The following NOTCH2NLR variants were observed in gnomAD, a reference collection of about 807,000 sequenced individuals.
NOTCH2NLR encodes the protein notch 2 N-terminal like R.
NOTCH2NLR carries 33 observed loss-of-function variants against 35.6 expected under a neutral mutation model. The observed-to-expected ratio is 0.93, with a 90% CI of 0.70 to 1.24. NOTCH2NLR has a LOEUF of 1.24. Among genes scored for constraint, NOTCH2NLR ranks in the 50% most tolerant of loss-of-function variants. NOTCH2NLR has a pLI of 0.00. For missense variants in NOTCH2NLR, 276 were observed against 362.2 expected (o/e 0.76, Z 1.93); for synonymous variants, 103 against 141.0 (o/e 0.73, Z 1.91).
intron 1 of NOTCH2NLR, among the ~76,000 whole-genome samples, chr1:120,754,789 A>G (rs1280610825): frequency 8.7e-6 from 1 of 115,566 alleles, no homozygotes; most frequent in Non-Finnish European, 1.7e-5. Context: ...GGAACTTTCA[A>G]AACTGTTTCA....
exon 1 of NOTCH2NLR, chr1:120,724,106 C>T: frequency 7.5e-7 from 1 of 1,338,804 alleles, no homozygotes; most frequent in Non-Finnish European, 9.6e-7. Context: ...TATCGGGACC[C>T]CCTCCCCATG....
rs1372020767 is a variant in NOTCH2NLR, at chr1:120,793,352, G to T, written c.607G>T (p.Gly203Cys). 10 of 1,420,738 alleles carry T rather than the reference G, an allele frequency of 7.0e-6. 3 individuals are homozygous for T. Among genetic ancestry groups the T allele is most frequent in the Non-Finnish European group, 9.4e-6 (10 of 1,060,914 alleles). The allele number at this position is 1,420,738 out of a possible 1,614,324, so 88.0% of individuals were successfully genotyped here. The change falls in exon 4 of 5, where the codon GGT (glycine) becomes TGT (cysteine). Residue 203 changes from glycine (G) to cysteine (C), a missense_variant. By Grantham distance (159) the Gly-to-Cys change is radical (BLOSUM62 -3). Coordinates refer to ENST00000624419, the Ensembl canonical transcript of NOTCH2NLR. ...TGGTGGCACCTGCCTCAACCTGCCT[G>T]GTTCCTACCAGTGCCAGTGCCTTCA... is the stretch of plus-strand genomic sequence containing the variant.
At position 120,759,477 on chromosome 1, in the gene NOTCH2NLR, C is replaced by CT. The variant is rs1372678243; in HGVS notation, c.74-4144dup. 7.6e-5 allele frequency among the ~76,000 whole-genome samples: 5 copies of CT among 66,030 alleles called. 2 individuals carry two copies. The highest frequency in any genetic ancestry group is 7.2e-4 in the African/African-American group (5 of 6,928). 43.3% of individuals were successfully genotyped at this position (66,030 alleles called of 152,430 possible). ...ATTCTCTATGGTATGATTAATGTTTCTTTTTTTACTTTATAAGCATGAAGC... is the reference window on the plus strand; with the variant it reads ...ATTCTCTATGGTATGATTAATGTTTCTTTTTTTTACTTTATAAGCATGAAGC... On this transcript the variant is annotated intron_variant, in intron 1 of 4. Coordinates refer to ENST00000624419, the Ensembl canonical transcript of NOTCH2NLR.
Position 120,756,365 on chromosome 1 carries a change from A to G in NOTCH2NLR, c.74-7263A>G, listed in dbSNP as rs1208234194. 3.4e-5 allele frequency among the ~76,000 whole-genome samples: 4 copies of G among 117,986 alleles called. 1 individual carries two copies. The highest frequency in any genetic ancestry group is 2.4e-4 in the Admixed American group (3 of 12,292). 77.4% of individuals were successfully genotyped at this position (117,986 alleles called of 152,430 possible). A position where few individuals can be genotyped will look rare whatever the true frequency, so the allele number is the denominator to read the frequency against. ...AATATTGCTACTTGAAATTTGCATA[A>G]ACGTTGAAGAAAAAGTTAAAAGAGC... On this transcript the variant is annotated intron_variant, in intron 1 of 4. Transcript: ENST00000624419.
At position 120,724,281 on chromosome 1, in the gene NOTCH2NLR, G is replaced by A; in HGVS notation, c.73+31G>A. The A allele has an allele frequency of 2.2e-6, 3 of 1,375,868 alleles. 1 individual carries two copies. Among genetic ancestry groups the A allele is most frequent in the Non-Finnish European group, 2.8e-6 (3 of 1,054,438 alleles). The allele number at this position is 1,375,868 out of a possible 1,614,324, so 85.2% of individuals were successfully genotyped here. A position where few individuals can be genotyped will look rare whatever the true frequency, so the allele number is the denominator to read the frequency against. On this transcript the variant is annotated intron_variant, in intron 1 of 4. Coordinates refer to ENST00000624419, the Ensembl canonical transcript of NOTCH2NLR. ...TATCGGGCTGAGGGGCGCTGTCCGC[G>A]GCGCCCGGGGCTGCCACCTGGGGCG... is the stretch of plus-strand genomic sequence containing the variant.
rs1335131351 is a variant in NOTCH2NLR at position 120,770,230 on chromosome 1, C to T, written c.155+6521C>T. Among the ~76,000 whole-genome samples the T allele has an allele frequency of 6.2e-4, 63 of 101,968 alleles. 9 individuals are homozygous for T. Among genetic ancestry groups the T allele is most frequent in the Admixed American group, 3.7e-3 (39 of 10,460 alleles). The allele number at this position is 101,968 out of a possible 152,430, so 66.9% of individuals were successfully genotyped here. ...TGTGGCCCAGGCTGGAGTGCAGTGG[C>T]GCTTTCTTGGCTCACTGCAAGCTCC... On this transcript the variant is annotated intron_variant, in intron 2 of 4. Coordinates refer to ENST00000624419, the Ensembl canonical transcript of NOTCH2NLR.
rs1264637853 is a variant in NOTCH2NLR, at chr1:120,743,897, C to A, written c.73+19647C>A. 1.2e-4 allele frequency among the ~76,000 whole-genome samples: 13 copies of A among 112,340 alleles called. 1 individual carries two copies. The highest frequency in any genetic ancestry group is 1.9e-4 in the Admixed American group (2 of 10,706). The allele number at this position is 112,340 out of a possible 152,430, so 73.7% of individuals were successfully genotyped here. On this transcript the variant is annotated intron_variant, in intron 1 of 4. Transcript: ENST00000624419. Reference sequence around the variant, plus strand: ...AGTGGTTGTTTCAGAGAGTTTGCAGCAATTAGGCTTTATTGGTGCACTAAG... The same window carrying A: ...AGTGGTTGTTTCAGAGAGTTTGCAGAAATTAGGCTTTATTGGTGCACTAAG...
intron 2 of NOTCH2NLR, among the ~76,000 whole-genome samples, chr1:120,765,335 T>TG: frequency 1.8e-5 from 1 of 57,100 alleles, no homozygotes; most frequent in Non-Finnish European, 3.0e-5. Context: ...CTTGTGGTAG[T>TG]TAACCCCATT....
At chr1:120,788,071 G>A (rs1178911449) in intron 3 of NOTCH2NLR, among the ~76,000 whole-genome samples, 3 of 66,582 alleles carry the variant, frequency 4.5e-5, no homozygotes, top group Middle Eastern at 6.0e-3. Flanking sequence ...TCATCCAGGC[G>A]GGACCATTTG....
rs1650833437 is a variant in NOTCH2NLR, at chr1:120,727,904, T to G, written c.73+3654T>G. On this transcript the variant is annotated intron_variant, in intron 1 of 4. Transcript: ENST00000624419. ...TAGTATTTTGGACAGATCACTGAACTAGGAGCCAGAAGACCAGAATTCTTC... is the reference window on the plus strand; with the variant it reads ...TAGTATTTTGGACAGATCACTGAACGAGGAGCCAGAAGACCAGAATTCTTC... Among the ~76,000 whole-genome samples the G allele has an allele frequency of 3.4e-5, 4 of 118,404 alleles. No homozygotes were observed. In the South Asian group the frequency reaches 9.8e-4, roughly 29 times the overall value. 77.7% of individuals were successfully genotyped at this position (118,404 alleles called of 152,430 possible). A position where few individuals can be genotyped will look rare whatever the true frequency, so the allele number is the denominator to read the frequency against.
rs1306260987 is a variant in NOTCH2NLR, at chr1:120,762,530, A to T, written c.74-1098A>T. Among the ~76,000 whole-genome samples the T allele has an allele frequency of 1.7e-5, 2 of 114,610 alleles. 1 individual carries two copies. Among genetic ancestry groups the T allele is most frequent in the Non-Finnish European group, 3.4e-5 (2 of 58,412 alleles). 75.2% of individuals were successfully genotyped at this position (114,610 alleles called of 152,430 possible). On this transcript the variant is annotated intron_variant, in intron 1 of 4. Transcript: ENST00000624419. ...GGTTAGAGGAAACTTGGAGGGGGGA[A>T]CTTCTCAGTTTTGCTTTCAGGTATT...
chr1:120,726,324 A>G lies in NOTCH2NLR; in HGVS notation c.73+2074A>G, dbSNP rs1379112013. Among the ~76,000 whole-genome samples the G allele has an allele frequency of 6.6e-5, 2 of 30,160 alleles. 1 individual carries two copies. Among genetic ancestry groups the G allele is most frequent in the Non-Finnish European group, 1.2e-4 (2 of 16,962 alleles). 19.8% of individuals were successfully genotyped at this position (30,160 alleles called of 152,430 possible). A position where few individuals can be genotyped will look rare whatever the true frequency, so the allele number is the denominator to read the frequency against. On this transcript the variant is annotated intron_variant, in intron 1 of 4. Transcript: ENST00000624419. ...TTTAGATGCTAAACTAATGCAGTAG[A>G]AGAGATTTAGAAGCCGTTTCTTGGT...
chr1:120,728,658 G>A (rs1650841839), intron 1 of NOTCH2NLR, among the ~76,000 whole-genome samples: 2 of 116,664 alleles, frequency 1.7e-5, no homozygotes, highest in Admixed American at 8.1e-5. Context: ...TCATCATTTT[G>A]GGGACTAGTC....
At chr1:120,724,324 T>A (rs1650790581) in intron 1 of NOTCH2NLR, 74 bp downstream of exon 1, 3 of 1,361,032 alleles carry the variant, frequency 2.2e-6, no homozygotes, top group Non-Finnish European at 2.9e-6. Context: ...TCCCCCTCAG[T>A]CCTTCTCTGT....
In NOTCH2NLR at chr1:120,767,634, C is replaced by G. The variant is rs1448084321; in HGVS notation, c.155+3925C>G. Among the ~76,000 whole-genome samples the G allele has an allele frequency of 6.7e-4, 62 of 93,000 alleles. 12 individuals carry two copies. Among genetic ancestry groups the G allele is most frequent in the East Asian group, 3.2e-3 (13 of 4,020 alleles). The allele number at this position is 93,000 out of a possible 152,430, so 61.0% of individuals were successfully genotyped here. ...ACTACTGTCAAATCTTAATAAAGCC[C>G]TCTCACTACAGGGAGATAAGATATT... On this transcript the variant is annotated intron_variant, in intron 2 of 4. Transcript: ENST00000624419.
intron 2 of NOTCH2NLR, 114 bp from the exon 3 acceptor site, chr1:120,784,860 G>T: frequency 9.5e-7 from 1 of 1,054,434 alleles, no homozygotes; most frequent in Non-Finnish European, 1.3e-6. Context: ...GGTACTTGTA[G>T]GTCTGTTGAT....
At chr1:120,784,668 T>TC (rs1280070091) in intron 2 of NOTCH2NLR, among the ~76,000 whole-genome samples, 1 of 118,730 alleles carries the variant, frequency 8.4e-6, no homozygotes, top group Non-Finnish European at 1.6e-5. Flanking sequence ...TAATTTTTTT[T>TC]CACAGCACTT....
In NOTCH2NLR at chr1:120,785,160, T is replaced by G; in HGVS notation, c.342T>G (p.Pro114=). The G allele has an allele frequency of 5.5e-6, 8 of 1,446,546 alleles. 1 individual carries two copies. Among genetic ancestry groups the G allele is most frequent in the Non-Finnish European group, 7.4e-6 (8 of 1,082,244 alleles). 89.6% of individuals were successfully genotyped at this position (1,446,546 alleles called of 1,614,324 possible). ...CTCATCCATGCTTTGTGTCTCGACC[T>G]TGCCTGAATGGCGGCACATGCCATA... is the stretch of plus-strand genomic sequence containing the variant. The change falls in exon 3 of 5, where the codon CCT becomes CCG. Residue 114 remains proline, a synonymous_variant. Transcript: ENST00000624419.
At chr1:120,728,555 C>T (rs1650840597) in intron 1 of NOTCH2NLR, among the ~76,000 whole-genome samples, 1 of 117,550 alleles carries the variant, frequency 8.5e-6, no homozygotes, top group Admixed American at 8.1e-5. Context: ...CTGCCTCTCA[C>T]TCAAGTTTGC....
Sources: gnomAD v4.1 joint callset for allele counts (sites outside exome capture counted in the v4.1 genomes callset) on GRCh38, gnomAD v4.1.1 for gene constraint, MANE v1.5 for transcripts, NCBI Gene and HGNC (gene_info 2026-07-23, HGNC 2026-07-21) for gene names.